EIF2B2: variants seen among roughly 807,000 people sequenced by gnomAD.
EIF2B2 encodes eukaryotic translation initiation factor 2B subunit beta.
A neutral mutation model predicts 34.7 loss-of-function variants in EIF2B2; 34 were observed. The ratio of observed to expected loss-of-function variants is 0.98; its 90% confidence interval spans 0.75 to 1.31. The LOEUF is 1.31. Ranked by LOEUF, EIF2B2 falls within the 50% of genes most tolerant of loss-of-function variation. The pLI is 0.00. For synonymous variants in EIF2B2, 155 were observed against 171.6 expected, an observed-to-expected ratio of 0.90 and a Z score of 0.76; for missense variants, 361 against 447.7, an observed-to-expected ratio of 0.81 and a Z score of 1.75.
rs1889692013 is a variant in EIF2B2 at position 75,010,637 on chromosome 14, G to A, written c.*1449G>A. On this transcript the variant is annotated 3_prime_UTR_variant, in exon 8 of 8. Transcript: ENST00000266126. The stretch of plus-strand genomic sequence containing the variant: ...TCTGGGCCAACATTTCCAAATGGCA[G>A]TAGTTAGTTTGTGGTTGGGTAACAT... 4 of 152,348 alleles carry A rather than the reference G, an allele frequency of 2.6e-5. No individual in the cohort carries two copies. The South Asian group carries it at 6.2e-4, about 24-fold the overall frequency. 9.4% of individuals were successfully genotyped at this position (152,348 alleles called of 1,614,324 possible).
intron 3 of EIF2B2, among the ~76,000 whole-genome samples, chr14:75,004,048 T>C (rs981053001): frequency 2.6e-5 from 4 of 152,254 alleles, no homozygotes; most frequent in Admixed American, 6.5e-5. Flanking sequence ...CGTACACGTA[T>C]ACCATTTCTA....
intron 6 of EIF2B2, chr14:75,007,205 T>A (rs1315639533): frequency 2.4e-6 from 1 of 408,250 alleles, no homozygotes; most frequent in Non-Finnish European, 4.8e-6. Context: ...AACATACAAT[T>A]AACCATTTTA....
At chr14:75,003,186 G>T (rs1159741416) in intron 1 of EIF2B2, 33 bp downstream of exon 1, 3 of 1,613,306 alleles carry the variant, frequency 1.9e-6, no homozygotes, top group South Asian at 2.2e-5. Flanking sequence ...GGCGAACCTG[G>T]CCCCTGTCTG....
Position 75,006,439 on chromosome 14 carries a change from A to C in EIF2B2, c.694-138A>C. On this transcript the variant is annotated intron_variant, in intron 5 of 7. Transcript: ENST00000266126. The surrounding 1 kb of genome is among the most constrained non-coding windows in gnomAD (Gnocchi z 4.1). ...TTTAAGCTAGAACTTGTATTGAGCC[A>C]GGGATCCCTTCACCTCTACCAGTCT... 1 of 1,223,720 alleles carries C rather than the reference A, an allele frequency of 8.2e-7. No homozygotes were observed. Among genetic ancestry groups the C allele is most frequent in the Non-Finnish European group, 1.2e-6 (1 of 863,922 alleles). 75.8% of individuals were successfully genotyped at this position (1,223,720 alleles called of 1,614,324 possible). A position where few individuals can be genotyped will look rare whatever the true frequency, so the allele number is the denominator to read the frequency against.
intron 6 of EIF2B2, chr14:75,007,363 T>TCTGCTC: frequency 2.9e-6 from 1 of 345,412 alleles, no homozygotes; most frequent in Non-Finnish European, 5.6e-6. Flanking sequence ...TCTCCTCCAA[T>TCTGCTC]CTGCTCCTGT....
chr14:75,009,501 C>T lies in EIF2B2; in HGVS notation c.*313C>T, dbSNP rs1162740911. 2 of 380,158 alleles carry T rather than the reference C, an allele frequency of 5.3e-6. No homozygotes were observed. The highest frequency in any genetic ancestry group is 1.0e-5 in the Non-Finnish European group (2 of 199,270). The allele number at this position is 380,158 out of a possible 1,614,324, so 23.5% of individuals were successfully genotyped here. A position where few individuals can be genotyped will look rare whatever the true frequency, so the allele number is the denominator to read the frequency against. ...GTTCAGTAGTGTGTTAAACATAACA[C>T]TGAATACCTTACTGGGATACAGATT... On this transcript the variant is annotated 3_prime_UTR_variant, in exon 8 of 8. Coordinates refer to ENST00000266126, the MANE Select transcript of EIF2B2 (RefSeq NM_014239.4).
In EIF2B2 at chr14:75,009,117, G is replaced by C. The variant is rs1455946678; in HGVS notation, c.985G>C (p.Gly329Arg). 3 of 1,613,878 alleles carry C rather than the reference G, an allele frequency of 1.9e-6. No individual in the cohort carries two copies. The African/African-American group carries it at 4.0e-5, about 22-fold the overall frequency. Residue 329 changes from glycine to arginine, a missense_variant, in exon 8 of 8, where the codon GGT becomes CGT. By Grantham distance (125) the Gly-to-Arg change is moderately radical (BLOSUM62 -2). Transcript: ENST00000266126. ...CATTACCCTCTTTATCTCCAACATTGGTGGGAATGCACCTTCCTACATCTA... is the reference window on the plus strand; with the variant it reads ...CATTACCCTCTTTATCTCCAACATTCGTGGGAATGCACCTTCCTACATCTA... ...ELITLFISNI[G>R]GNAPSYIYRL...
intron 7 of EIF2B2, 22 bp from the exon 8 acceptor site, chr14:75,009,009 A>G: frequency 6.2e-7 from 1 of 1,613,900 alleles, no homozygotes; most frequent in Non-Finnish European, 8.5e-7. Context: ...TTTTACCTTT[A>G]GCATGTGTGC....
chr14:75,005,912 C>T lies in EIF2B2; in HGVS notation c.644C>T (p.Thr215Ile), dbSNP rs1397530286. The T allele has an allele frequency of 1.2e-6, 2 of 1,613,496 alleles. No homozygotes were observed. ...VNLSKAGIET[T>I]VMTDAAIFAV... The stretch of plus-strand genomic sequence containing the variant: ...TTGTCCAAAGCAGGTATTGAGACAA[C>T]TGTCATGACTGATGCTGCCATTTTT... Residue 215 changes from threonine (T) to isoleucine (I), a missense_variant, in exon 5 of 8, where the codon ACT becomes ATT. Physicochemically the swap from Thr to Ile is moderately conservative, Grantham distance 89 (BLOSUM62 -1). Coordinates refer to ENST00000266126, the MANE Select transcript of EIF2B2 (RefSeq NM_014239.4).
In EIF2B2 at chr14:75,007,763, TGAA is replaced by T; in HGVS notation, c.878_880del (p.Glu293del). 11 of 1,613,994 alleles carry T rather than the reference TGAA, an allele frequency of 6.8e-6. No homozygotes were observed. The highest frequency in any genetic ancestry group is 9.3e-6 in the Non-Finnish European group (11 of 1,179,936). On this transcript the variant is annotated inframe_deletion, in exon 7 of 8. Coordinates refer to ENST00000266126, the MANE Select transcript of EIF2B2 (RefSeq NM_014239.4). Reference sequence around the variant, plus strand: ...ACTCATTTCATAAGTTTGTGGCTCCTGAAGAAGTCCTGCCATTCACAGAAGGTA... The same window carrying T: ...ACTCATTTCATAAGTTTGTGGCTCCTGAAGTCCTGCCATTCACAGAAGGTA...
In EIF2B2 at chr14:75,003,698, G is replaced by A; in HGVS notation, c.432G>A (p.Leu144=). 2 of 1,614,182 alleles carry A rather than the reference G, an allele frequency of 1.2e-6. No homozygotes were observed. The highest frequency in any genetic ancestry group is 2.2e-5 in the East Asian group (1 of 44,886). ...IEAINELLVE[L]EGTMENIAAQ... The stretch of plus-strand genomic sequence containing the variant: ...CGATTAATGAGCTGCTAGTGGAGCT[G>A]GGTAAGAGGCCTGATCGCTGGGAAA... Residue 144 remains leucine (L), a splice_region_variant and synonymous_variant, in exon 3 of 8, where the codon CTG becomes CTA. Coordinates refer to ENST00000266126, the MANE Select transcript of EIF2B2 (RefSeq NM_014239.4).
In EIF2B2 at chr14:75,002,961, C is replaced by G. The variant is rs746984359; in HGVS notation, c.-30C>G. The G allele has an allele frequency of 6.3e-5, 101 of 1,613,344 alleles. No homozygotes were observed. Among genetic ancestry groups the G allele is most frequent in the Non-Finnish European group, 7.1e-5 (84 of 1,180,018 alleles). ...GTGGTCTGGCAGGTGTGGATTCCGC[C>G]GGTGAAGGCTGAAGGCAGCTACCTT... is the stretch of plus-strand genomic sequence containing the variant. On this transcript the variant is annotated 5_prime_UTR_variant, in exon 1 of 8. Coordinates refer to ENST00000266126, the MANE Select transcript of EIF2B2 (RefSeq NM_014239.4).
rs1889699622 is a variant in EIF2B2, at chr14:75,011,207, C to G, written c.*2019C>G. ...GAGACTCTGTCTCACAAAAACAAAA[C>G]AAAATTATATGTACACGCATAGGGA... On this transcript the variant is annotated 3_prime_UTR_variant, in exon 8 of 8. Transcript: ENST00000266126. The G allele has an allele frequency of 6.6e-6, 1 of 152,082 alleles. No homozygotes were observed. Among genetic ancestry groups the G allele is most frequent in the Non-Finnish European group, 1.5e-5 (1 of 68,026 alleles). The allele number at this position is 152,082 out of a possible 1,614,324, so 9.4% of individuals were successfully genotyped here.
intron 6 of EIF2B2, chr14:75,007,031 A>G (rs1476807129): frequency 3.9e-6 from 2 of 514,060 alleles, no homozygotes; most frequent in African/African-American, 3.8e-5. Context: ...TGAAAGTAGG[A>G]TCATAGAATC....
rs1351017265 is a variant in EIF2B2 at position 75,006,801 on chromosome 14, C to T, written c.831+87C>T. The T allele has an allele frequency of 1.9e-5, 29 of 1,550,552 alleles. No individual in the cohort carries two copies. Among genetic ancestry groups the T allele is most frequent in the Non-Finnish European group, 2.6e-5 (29 of 1,129,758 alleles). On this transcript the variant is annotated intron_variant, in intron 6 of 7. Coordinates refer to ENST00000266126, the MANE Select transcript of EIF2B2 (RefSeq NM_014239.4). This position sits in a 1 kb window ranked among gnomAD's most constrained non-coding sequence, Gnocchi z 4.1. ...GAACTCTGGGACTTCAACCACCTCACTCCAGGGCCTCCATTTATCTGCATT... is the reference window on the plus strand; with the variant it reads ...GAACTCTGGGACTTCAACCACCTCATTCCAGGGCCTCCATTTATCTGCATT...
chr14:75,005,945 T>C lies in EIF2B2; in HGVS notation c.677T>C (p.Met226Thr), dbSNP rs369821050. Residue 226 changes from methionine to threonine, a missense_variant, in exon 5 of 8, where the codon ATG becomes ACG. Coordinates refer to ENST00000266126, the MANE Select transcript of EIF2B2 (RefSeq NM_014239.4). The part of the protein sequence containing the change: ...VMTDAAIFAV[M>T]SRVNKVIIGT... ...ACTGATGCTGCCATTTTTGCCGTTATGTCAAGAGTCAACAAGGTGGGTATA... is the reference window on the plus strand; with the variant it reads ...ACTGATGCTGCCATTTTTGCCGTTACGTCAAGAGTCAACAAGGTGGGTATA... The C allele has an allele frequency of 2.5e-6, 4 of 1,613,348 alleles. No individual in the cohort carries two copies. The South Asian group carries it at 3.3e-5, about 13-fold the overall frequency.
chr14:75,003,557 T>A lies in EIF2B2; in HGVS notation c.291T>A (p.His97Gln). ...KIIREEYGRL[H>Q]GRSDESDQQE... ...GGTCTTGTTGCCTCTATAGACTCCA[T>A]GGACGCAGCGACGAGAGTGATCAGC... Residue 97 changes from histidine (H) to glutamine (Q), a missense_variant, in exon 3 of 8, where the codon CAT becomes CAA. Physicochemically the swap from His to Gln is conservative, Grantham distance 24 (BLOSUM62 0). Coordinates refer to ENST00000266126, the MANE Select transcript of EIF2B2 (RefSeq NM_014239.4). 2 of 1,614,166 alleles carry A rather than the reference T, an allele frequency of 1.2e-6. No individual in the cohort carries two copies. Among genetic ancestry groups the A allele is most frequent in the Non-Finnish European group, 1.7e-6 (2 of 1,180,028 alleles).
rs188967341 is a variant in EIF2B2, at chr14:75,011,561, G to A, written c.*2373G>A. ...TATTCTTTGATATCTCTTTGAGAGC[G>A]ATCTTTGCCTTAGGTCTTCCAGAGA... is the stretch of plus-strand genomic sequence containing the variant. On this transcript the variant is annotated 3_prime_UTR_variant, in exon 8 of 8. Coordinates refer to ENST00000266126, the MANE Select transcript of EIF2B2 (RefSeq NM_014239.4). 6.6e-6 allele frequency: 1 copy of A among 152,202 alleles called. No individual in the cohort carries two copies. The highest frequency in any genetic ancestry group is 1.5e-5 in the Non-Finnish European group (1 of 68,046). 9.4% of individuals were successfully genotyped at this position (152,202 alleles called of 1,614,324 possible). A position where few individuals can be genotyped will look rare whatever the true frequency, so the allele number is the denominator to read the frequency against.
rs772639066 is a variant in EIF2B2 at position 75,006,965 on chromosome 14, C to T, written c.831+251C>T. On this transcript the variant is annotated intron_variant, in intron 6 of 7. Transcript: ENST00000266126. This position sits in a 1 kb window ranked among gnomAD's most constrained non-coding sequence, Gnocchi z 4.1. ...ATATGTAGTTGGGAAAGGTCCTTTGCTTACGATTGCCACCACTCCCTGTCG... is the reference window on the plus strand; with the variant it reads ...ATATGTAGTTGGGAAAGGTCCTTTGTTTACGATTGCCACCACTCCCTGTCG... The T allele has an allele frequency of 1.7e-5, 11 of 640,352 alleles. No individual in the cohort carries two copies. Among genetic ancestry groups the T allele is most frequent in the Middle Eastern group, 2.5e-4 (1 of 4,020 alleles). The allele number at this position is 640,352 out of a possible 1,614,324, so 39.7% of individuals were successfully genotyped here.
Sources: gnomAD v4.1 joint callset for allele counts (sites outside exome capture counted in the v4.1 genomes callset) on GRCh38, gnomAD v4.1.1 for gene constraint, Gnocchi (gnomAD v3.1) non-coding constraint, MANE v1.5 for transcripts, NCBI Gene and HGNC (gene_info 2026-07-23, HGNC 2026-07-21) for gene names.